KNTC1: variants seen among roughly 807,000 people sequenced by gnomAD.
KNTC1 encodes kinetochore-associated protein 1.
A neutral mutation model predicts 314.4 loss-of-function variants in KNTC1; 253 were observed. That is an observed-to-expected ratio of 0.80 (90% confidence interval 0.73 to 0.89). The LOEUF is 0.89. Among genes scored for constraint, KNTC1 ranks in the 40% least tolerant of loss-of-function variants. The probability of loss-of-function intolerance (pLI) is 0.00; values close to 1 mark genes in which losing one functional copy is unlikely to be tolerated. For synonymous variants in KNTC1, 901 were observed against 901.4 expected (o/e 1.00, Z 0.01); for missense variants, 2,475 against 2,572.9 (o/e 0.96, Z 0.82).
chr12:122,584,436 C>T lies in KNTC1; in HGVS notation c.3422C>T (p.Thr1141Ile). 6.2e-7 allele frequency: 1 copy of T among 1,607,808 alleles called. No homozygotes were observed. The highest frequency in any genetic ancestry group is 2.2e-5 in the East Asian group (1 of 44,700). ...CATGATCTAGCAAGCCAAGCTGCCA[C>T]CATTTGCAGTCCAGGTGACAATATT... ...MIHDLASQAA[T>I]ICSPDFLLDA... Residue 1141 changes from threonine (T) to isoleucine (I), a missense_variant, in exon 35 of 64, where the codon ACC becomes ATC. Physicochemically the swap from Thr to Ile is moderately conservative, Grantham distance 89. Transcript: ENST00000333479.
At chr12:122,609,705 T>TC (rs1384922502) in intron 52 of KNTC1, among the ~76,000 whole-genome samples, 1 of 151,960 alleles carries the variant, frequency 6.6e-6, no homozygotes, top group African/African-American at 2.4e-5. Flanking sequence ...GAAAACTCTT[T>TC]CTTAGCTAGG....
intron 12 of KNTC1, among the ~76,000 whole-genome samples, chr12:122,548,992 A>G (rs908651749): frequency 2.0e-5 from 3 of 152,126 alleles, no homozygotes; most frequent in Admixed American, 6.5e-5. Flanking sequence ...AAAATAAGTC[A>G]TACGGTAACA....
chr12:122,527,744 A>T (rs1448857000), intron 1 of KNTC1: 1 of 152,286 alleles, frequency 6.6e-6, no homozygotes, highest in East Asian at 1.9e-4. Flanking sequence ...ACCCGGCAGC[A>T]GCATCAAACG....
chr12:122,566,994 G>A (rs137867044), intron 20 of KNTC1, among the ~76,000 whole-genome samples: 185 of 151,758 alleles, frequency 1.2e-3, no homozygotes, highest in Non-Finnish European at 2.2e-3. Flanking sequence ...CTTGGCCACC[G>A]AAAGTGCTGG....
intron 29 of KNTC1, 64 bp downstream of exon 29, chr12:122,575,963 T>C (rs567554066): frequency 6.6e-7 from 1 of 1,508,502 alleles, no homozygotes; most frequent in South Asian, 1.3e-5. Context: ...GAAAGCTTAA[T>C]GAGGAATTTA....
intron 56 of KNTC1, 90 bp from the exon 57 acceptor site, chr12:122,615,380 C>A: frequency 8.9e-7 from 1 of 1,118,378 alleles, no homozygotes; most frequent in Non-Finnish European, 1.3e-6. Flanking sequence ...TTTACCAGTA[C>A]TTCTTCTGGA....
At chr12:122,531,100 G>A (rs557520921) in intron 2 of KNTC1, among the ~76,000 whole-genome samples, 2 of 151,570 alleles carry the variant, frequency 1.3e-5, no homozygotes, top group African/African-American at 2.4e-5. Flanking sequence ...GAATCTGACA[G>A]ATAAGGCAGG....
At position 122,575,649 on chromosome 12, in the gene KNTC1, A is replaced by G. The variant is rs1270633510; in HGVS notation, c.2486+3A>G. 2 of 1,576,380 alleles carry G rather than the reference A, an allele frequency of 1.3e-6. No homozygotes were observed. Among genetic ancestry groups the G allele is most frequent in the Non-Finnish European group, 1.7e-6 (2 of 1,156,526 alleles). On this transcript the variant is annotated splice_donor_region_variant and intron_variant, in intron 28 of 63. Coordinates refer to ENST00000333479, the MANE Select transcript of KNTC1 (RefSeq NM_014708.6). ...CACCTGGAAATGGACCATCCCAAGT[A>G]AGATGACTGTCTACGAAACAATGTT... is the stretch of plus-strand genomic sequence containing the variant.
chr12:122,552,408 A>C (rs950783409), intron 16 of KNTC1, among the ~76,000 whole-genome samples: 2 of 152,316 alleles, frequency 1.3e-5, no homozygotes, highest in South Asian at 4.1e-4. Context: ...TCTGTCACCC[A>C]GGCTGGAGTA....
intron 3 of KNTC1, among the ~76,000 whole-genome samples, chr12:122,535,513 T>A (rs1287735109): frequency 6.6e-6 from 1 of 152,084 alleles, no homozygotes; most frequent in African/African-American, 2.4e-5. Flanking sequence ...CGTGCTGGTG[T>A]GCGCCTATAG....
In KNTC1 at chr12:122,577,533, C is replaced by T. The variant is rs535899050; in HGVS notation, c.2722-139C>T. 1,010 of 893,810 alleles carry T rather than the reference C, an allele frequency of 1.1e-3. 22 individuals carry two copies. The South Asian group carries it at 0.021, about 19-fold the overall frequency. 55.4% of individuals were successfully genotyped at this position (893,810 alleles called of 1,614,324 possible). ...GTAAAATAAAATAAAAATGGATTTTCGGATTATTAAAACATTGAACCATAA... is the reference window on the plus strand; with the variant it reads ...GTAAAATAAAATAAAAATGGATTTTTGGATTATTAAAACATTGAACCATAA... On this transcript the variant is annotated intron_variant, in intron 30 of 63. Transcript: ENST00000333479.
chr12:122,548,376 A>T (rs569236714), intron 12 of KNTC1, among the ~76,000 whole-genome samples: 105 of 151,936 alleles, frequency 6.9e-4, no homozygotes, highest in African/African-American at 2.5e-3. Context: ...CACCCAGCTA[A>T]TTTTTGTACT....
At chr12:122,533,160 C>A (rs948860248) in intron 2 of KNTC1, among the ~76,000 whole-genome samples, 2 of 151,758 alleles carry the variant, frequency 1.3e-5, no homozygotes, top group African/African-American at 2.4e-5. Context: ...GATATAGTGC[C>A]GTTCCTTTTC....
At chr12:122,541,862 T>G (rs766491762) in intron 5 of KNTC1, among the ~76,000 whole-genome samples, 188 bp from the exon 6 acceptor site, 24 of 151,144 alleles carry the variant, frequency 1.6e-4, no homozygotes, top group Admixed American at 1.2e-3. Context: ...CTACTAAAAA[T>G]ACAAAAATTA....
At chr12:122,623,936 C>T (rs933390118) in intron 62 of KNTC1, among the ~76,000 whole-genome samples, 21 of 152,068 alleles carry the variant, frequency 1.4e-4, no homozygotes, top group African/African-American at 4.6e-4. Flanking sequence ...AGCATGGTGG[C>T]GCATGCCTGT....
At chr12:122,543,738 A>G in intron 7 of KNTC1, 104 bp downstream of exon 7, 1 of 667,420 alleles carries the variant, frequency 1.5e-6, no homozygotes, top group South Asian at 2.2e-5. Context: ...TATTTTAGAA[A>G]TTATTATGAT....
chr12:122,561,861 T>C, intron 18 of KNTC1, 60 bp from the exon 19 acceptor site: 1 of 1,386,238 alleles, frequency 7.2e-7, no homozygotes, highest in Non-Finnish European at 9.9e-7. Flanking sequence ...AGAAAATCCA[T>C]CATTTAGGAA....
chr12:122,595,038 G>T (rs1870845648), intron 43 of KNTC1, among the ~76,000 whole-genome samples: 1 of 152,030 alleles, frequency 6.6e-6, no homozygotes, highest in Non-Finnish European at 1.5e-5. Flanking sequence ...ACCACGCCTG[G>T]CTAATTTTTA....
At chr12:122,584,832 GT>G in intron 35 of KNTC1, 60 bp from the exon 36 acceptor site, 1 of 858,344 alleles carries the variant, frequency 1.2e-6, no homozygotes. Flanking sequence ...TTAAAAGGTT[GT>G]TTTCATTATC....
Sources: allele counts gnomAD v4.1 joint callset (sites outside exome capture counted in the v4.1 genomes callset), GRCh38; gene constraint gnomAD v4.1.1; transcripts MANE v1.5; gene names NCBI Gene and HGNC (gene_info 2026-07-23, HGNC 2026-07-21).